SORCS2: variants seen among roughly 807,000 people sequenced by gnomAD.
SORCS2 encodes VPS10 domain-containing receptor SorCS2.
SORCS2 carries 100 observed loss-of-function variants against 141.6 expected under a neutral mutation model. That is an observed-to-expected ratio of 0.71 (90% CI 0.60 to 0.83). SORCS2 has a LOEUF of 0.83. SORCS2 is among the 40% of genes least tolerant of loss of function. The pLI, the probability that SORCS2 is intolerant of heterozygous loss-of-function variation, is 0.00. For missense variants in SORCS2, 1,646 were observed against 1,560.2 expected (o/e 1.05, Z -0.93); for synonymous variants, 789 against 676.9 (o/e 1.17, Z -2.57).
chr4:7,290,075 G>A (rs1716506620), intron 1 of SORCS2, among the ~76,000 whole-genome samples: 1 of 152,154 alleles, frequency 6.6e-6, no homozygotes, highest in African/African-American at 2.4e-5. Flanking sequence ...TCTGTACCAG[G>A]GGCCAAATAT....
chr4:7,703,180 C>CTCCCAGGA (rs1288280020), intron 12 of SORCS2, 100 bp from the exon 13 acceptor site: 2 of 925,496 alleles, frequency 2.2e-6, no homozygotes, highest in Non-Finnish European at 3.2e-6. Context: ...CAACAACCCC[C>CTCCCAGGA]GGCTGCACAT....
intron 11 of SORCS2, among the ~76,000 whole-genome samples, chr4:7,690,959 A>G (rs1382627192): frequency 6.6e-6 from 1 of 152,248 alleles, no homozygotes; most frequent in African/African-American, 2.4e-5. Context: ...CATTCAAAAT[A>G]CAAAGTAGAG....
chr4:7,706,378 G>GGGCAGGGA (rs1725457912), intron 14 of SORCS2, among the ~76,000 whole-genome samples: 1 of 148,502 alleles, frequency 6.7e-6, no homozygotes, highest in African/African-American at 2.6e-5. Flanking sequence ...GCTGGGCTCT[G>GGGCAGGGA]TCTGGGCAGG....
intron 2 of SORCS2, among the ~76,000 whole-genome samples, chr4:7,449,778 G>C (rs879023093): frequency 6.6e-6 from 1 of 152,060 alleles, no homozygotes; most frequent in Non-Finnish European, 1.5e-5. Context: ...AATCGCTCCA[G>C]TGTTCCCGGA....
chr4:7,343,134 GGCAGAGGTCCTGGTCCTCCTGTCT>G (rs1425953779), intron 1 of SORCS2, among the ~76,000 whole-genome samples: 1 of 152,216 alleles, frequency 6.6e-6, no homozygotes, highest in Non-Finnish European at 1.5e-5. Context: ...GCATTAGGAG[GGCAGAGGTCCTGGTCCTCCTGTCT>G]GCAACATTGG....
chr4:7,323,548 G>T (rs1719041628), intron 1 of SORCS2, among the ~76,000 whole-genome samples: 1 of 152,182 alleles, frequency 6.6e-6, no homozygotes, highest in South Asian at 2.1e-4. Context: ...AGGATGTGGG[G>T]AGGCTCCTAG....
intron 3 of SORCS2, among the ~76,000 whole-genome samples, chr4:7,624,940 A>G (rs1719428382): frequency 6.6e-6 from 1 of 152,256 alleles, no homozygotes; most frequent in African/African-American, 2.4e-5. Context: ...CTCGTCTCAC[A>G]AATGCTACAC....
In SORCS2 at chr4:7,453,044, C is replaced by A. The variant is rs1256371306; in HGVS notation, c.548+56689C>A. On this transcript the variant is annotated intron_variant, in intron 2 of 26. Coordinates refer to ENST00000507866, the MANE Select transcript of SORCS2 (RefSeq NM_020777.3). ...TCAGGCTCCATGTTGGGGTCAGGTG[C>A]TGTGTGTTGGGGTCAGGAGCTGTGT... Among the ~76,000 whole-genome samples, 3 of 128,584 alleles carry A rather than the reference C, an allele frequency of 2.3e-5. No homozygotes were observed. The East Asian group carries it at 7.3e-4, about 31-fold the overall frequency. The allele number at this position is 128,584 out of a possible 152,430, so 84.4% of individuals were successfully genotyped here.
chr4:7,590,029 T>A (rs1716810245), intron 3 of SORCS2, among the ~76,000 whole-genome samples: 1 of 152,256 alleles, frequency 6.6e-6, no homozygotes, highest in South Asian at 2.1e-4. Context: ...GATGCATTTA[T>A]AAAAGACAGC....
rs185727915 is a variant in SORCS2, at chr4:7,689,563, C to T, written c.1566C>T (p.Thr522=). The change falls in exon 11 of 27, where the codon ACC becomes ACT. Residue 522 remains threonine, a synonymous_variant. Transcript: ENST00000507866. ...YVSGTVHTKD[T]APGLIMGAGN... ...CAGGCACCGTGCACACCAAGGACAC[C>T]GCCCCAGGCCTCATCATGGGTGCAG... is the stretch of plus-strand genomic sequence containing the variant. 5.9e-4 allele frequency: 943 copies of T among 1,601,964 alleles called. 1 individual carries two copies. The highest frequency in any genetic ancestry group is 6.5e-4 in the Admixed American group (38 of 58,754).
chr4:7,454,796 G>A (rs1728760713), intron 2 of SORCS2, among the ~76,000 whole-genome samples: 1 of 128,972 alleles, frequency 7.8e-6, no homozygotes, highest in Non-Finnish European at 1.6e-5. Flanking sequence ...GGGGTCTGGT[G>A]CTGTGTTGGG....
At chr4:7,380,253 C>T (rs139605610) in intron 1 of SORCS2, among the ~76,000 whole-genome samples, 18 of 152,290 alleles carry the variant, frequency 1.2e-4, no homozygotes, top group African/African-American at 3.6e-4. Flanking sequence ...GGGAGCTTGT[C>T]TGGGGGCCCC....
chr4:7,307,140 AC>A (rs1443978457), intron 1 of SORCS2, among the ~76,000 whole-genome samples: 1 of 151,994 alleles, frequency 6.6e-6, no homozygotes, highest in Non-Finnish European at 1.5e-5. Flanking sequence ...GTGCTGGACA[AC>A]CCTGAAGGCG....
intron 2 of SORCS2, among the ~76,000 whole-genome samples, chr4:7,454,893 G>A (rs1728773535): frequency 1.4e-5 from 2 of 140,196 alleles, no homozygotes; most frequent in African/African-American, 2.7e-5. Flanking sequence ...GTCAGGTGCT[G>A]TGTTGGGGTC....
intron 1 of SORCS2, among the ~76,000 whole-genome samples, chr4:7,250,925 C>A (rs1177167691): frequency 6.6e-6 from 1 of 152,228 alleles, no homozygotes; most frequent in Non-Finnish European, 1.5e-5. Context: ...GGCCAGTGGG[C>A]GCAGGGCCAG....
chr4:7,213,958 A>AAG, intron 1 of SORCS2, among the ~76,000 whole-genome samples: 1 of 152,324 alleles, frequency 6.6e-6, no homozygotes, highest in Non-Finnish European at 1.5e-5. Context: ...GGTTCCCTGC[A>AAG]GCGAGTGAGC....
At chr4:7,453,610 G>A in intron 2 of SORCS2, among the ~76,000 whole-genome samples, 1 of 142,344 alleles carries the variant, frequency 7.0e-6, no homozygotes, top group African/African-American at 2.7e-5. Flanking sequence ...CAGGAGCTGT[G>A]TGTTGGGGTC....
chr4:7,502,172 CTCTAGA>C (rs1391467906), intron 2 of SORCS2, among the ~76,000 whole-genome samples: 1 of 152,234 alleles, frequency 6.6e-6, no homozygotes, highest in Non-Finnish European at 1.5e-5. Flanking sequence ...AGGAGGTGGC[CTCTAGA>C]CGGCCTCTGG....
intron 3 of SORCS2, among the ~76,000 whole-genome samples, chr4:7,626,288 C>G (rs1719512434): frequency 6.6e-6 from 1 of 152,216 alleles, no homozygotes; most frequent in Non-Finnish European, 1.5e-5. Flanking sequence ...TAAACACATT[C>G]CTCTTTCATA....
Sources: allele counts gnomAD v4.1 joint callset (sites outside exome capture counted in the v4.1 genomes callset), GRCh38; gene constraint gnomAD v4.1.1; transcripts MANE v1.5; gene names NCBI Gene and HGNC (gene_info 2026-07-23, HGNC 2026-07-21).